Variants in NKAIN1 observed in about 807,000 individuals in gnomAD.
NKAIN1 encodes sodium/potassium transporting ATPase interacting 1.
In NKAIN1, 13 loss-of-function variants were observed where a neutral mutation model predicts 31.6. The observed-to-expected ratio is 0.41, with a 90% CI of 0.27 to 0.65. The LOEUF (loss-of-function observed/expected upper bound fraction) is 0.65, where lower values mean the gene tolerates loss of function less well. Among genes scored for constraint, NKAIN1 ranks in the 30% least tolerant of loss-of-function variants. The pLI is 0.30. For missense variants in NKAIN1, 193 were observed against 262.2 expected (o/e 0.74, Z 1.82); for synonymous variants, 104 against 109.0 (o/e 0.95, Z 0.28).
chr1:31,228,192 T>C (rs1466180595), intron 1 of NKAIN1, among the ~76,000 whole-genome samples: 4 of 152,202 alleles, frequency 2.6e-5, no homozygotes, highest in Non-Finnish European at 4.4e-5. Context: ...GTGCATTTAA[T>C]TGTGTAATTG....
chr1:31,211,505 A>T (rs891234704), intron 1 of NKAIN1, among the ~76,000 whole-genome samples: 4 of 152,204 alleles, frequency 2.6e-5, no homozygotes, highest in Admixed American at 2.6e-4. Flanking sequence ...ATTAAAGAAG[A>T]CCCAAATTTA....
intron 1 of NKAIN1, among the ~76,000 whole-genome samples, chr1:31,220,296 C>T (rs576365169): frequency 4.6e-5 from 7 of 151,352 alleles, no homozygotes; most frequent in East Asian, 2.0e-4. Flanking sequence ...GGATTACAGG[C>T]GTGAGCCACC....
chr1:31,203,250 G>A (rs10914321), intron 1 of NKAIN1, among the ~76,000 whole-genome samples: 6,117 of 150,480 alleles, frequency 0.041, 345 homozygotes, highest in African/African-American at 0.12. Context: ...AGGTGACAGA[G>A]CGAGATTCCA....
Position 31,183,912 on chromosome 1 carries a change from C to A in NKAIN1, c.376G>T (p.Ala126Ser). The A allele has an allele frequency of 6.2e-7, 1 of 1,614,094 alleles. No homozygotes were observed. The highest frequency in any genetic ancestry group is 8.5e-7 in the Non-Finnish European group (1 of 1,180,030). ...GAGATGACATGGTGGTCCTCCAGAGCCAGGCGGGAGTTCAGAACAGGTGTC... is the reference window on the plus strand; with the variant it reads ...GAGATGACATGGTGGTCCTCCAGAGACAGGCGGGAGTTCAGAACAGGTGTC... ...LVTPVLNSRL[A>S]LEDHHVISVT... Residue 126 changes from alanine to serine, a missense_variant, in exon 4 of 7, where the codon GCT becomes TCT. Coordinates refer to ENST00000373736, the MANE Select transcript of NKAIN1 (RefSeq NM_024522.3).
intron 1 of NKAIN1, among the ~76,000 whole-genome samples, chr1:31,218,894 C>G (rs6700796): frequency 5.3e-5 from 8 of 152,140 alleles, no homozygotes; most frequent in Non-Finnish European, 1.2e-4. Flanking sequence ...GACGGCAGTG[C>G]GCTCAGATGA....
chr1:31,197,196 C>T lies in NKAIN1; in HGVS notation c.55-9009G>A, dbSNP rs1248167231. ...GCACAATCTCGGCTCACTGCAAGCTCTGCCTCCCAGGTTCACGCCATTCTC... is the reference window on the plus strand; with the variant it reads ...GCACAATCTCGGCTCACTGCAAGCTTTGCCTCCCAGGTTCACGCCATTCTC... On this transcript the variant is annotated intron_variant, in intron 1 of 6. Transcript: ENST00000373736. 2.8e-4 allele frequency among the ~76,000 whole-genome samples: 42 copies of T among 150,266 alleles called. 1 individual carries two copies. Among genetic ancestry groups the T allele is most frequent in the Admixed American group, 2.7e-3 (41 of 14,974 alleles).
chr1:31,195,878 T>C (rs1357466873), intron 1 of NKAIN1, among the ~76,000 whole-genome samples: 1 of 130,316 alleles, frequency 7.7e-6, no homozygotes. Context: ...TGAGCTGTGA[T>C]AGCCTACCTG....
chr1:31,183,678 C>T (rs1645220565), intron 4 of NKAIN1, 139 bp downstream of exon 4: 6 of 851,210 alleles, frequency 7.0e-6, no homozygotes, highest in Admixed American at 2.3e-5. Context: ...GAACTCCTGA[C>T]CTCAGGTGAT....
At chr1:31,182,944 C>T (rs1273097934) in intron 4 of NKAIN1, among the ~76,000 whole-genome samples, 3 of 152,084 alleles carry the variant, frequency 2.0e-5, no homozygotes, top group Non-Finnish European at 2.9e-5. Context: ...CTACTCCTAT[C>T]TTGGAGTTTC....
At position 31,216,748 on chromosome 1, in the gene NKAIN1, C is replaced by T. The variant is rs117258618; in HGVS notation, c.54+22746G>A. ...TTTATTTATTGAGACAGCTGGAGTCCAGTGGCACCATCTCGGCTCACTGCA... is the reference window on the plus strand; with the variant it reads ...TTTATTTATTGAGACAGCTGGAGTCTAGTGGCACCATCTCGGCTCACTGCA... On this transcript the variant is annotated intron_variant, in intron 1 of 6. Transcript: ENST00000373736. Among the ~76,000 whole-genome samples, 996 of 107,390 alleles carry T rather than the reference C, an allele frequency of 9.3e-3. 62 individuals are homozygous for T. In the East Asian group the frequency reaches 0.2, roughly 22 times the overall value. 70.5% of individuals were successfully genotyped at this position (107,390 alleles called of 152,430 possible).
intron 1 of NKAIN1, among the ~76,000 whole-genome samples, chr1:31,227,646 CCCAA>C (rs71028749): frequency 0.32 from 48,008 of 151,988 alleles, 9,599 homozygotes; most frequent in African/African-American, 0.57. Flanking sequence ...CAAGGACTTG[CCCAA>C]CCAAGGTCAC....
chr1:31,232,416 TATATATATAGAG>T (rs1426904238), intron 1 of NKAIN1, among the ~76,000 whole-genome samples: 11 of 34,256 alleles, frequency 3.2e-4, no homozygotes, highest in Admixed American at 1.5e-3. Context: ...TATATATATA[TATATATATAGAG>T]AGAGAGAGAG....
intron 1 of NKAIN1, among the ~76,000 whole-genome samples, chr1:31,219,086 T>A (rs746522530): frequency 1.1e-4 from 16 of 152,258 alleles, no homozygotes; most frequent in Non-Finnish European, 2.2e-4. Flanking sequence ...ACCCCTCACA[T>A]GCCTAAATAT....
intron 1 of NKAIN1, among the ~76,000 whole-genome samples, chr1:31,213,720 T>C (rs993509661): frequency 2.0e-5 from 3 of 152,098 alleles, no homozygotes; most frequent in African/African-American, 7.2e-5. Context: ...ACAAGTTGGG[T>C]GCAGTGGCTC....
intron 1 of NKAIN1, among the ~76,000 whole-genome samples, chr1:31,196,660 C>T (rs1372356629): frequency 1.3e-5 from 2 of 151,840 alleles, no homozygotes; most frequent in South Asian, 2.1e-4. Flanking sequence ...CACACCACTG[C>T]ACTCCAGCCT....
chr1:31,218,040 C>CTTTCTT (rs1553163616), intron 1 of NKAIN1, among the ~76,000 whole-genome samples: 1 of 89,856 alleles, frequency 1.1e-5, no homozygotes, highest in Non-Finnish European at 2.1e-5. Flanking sequence ...TTCTTTCTTT[C>CTTTCTT]TTTCTTTCTT....
chr1:31,194,672 G>T (rs1645310030), intron 1 of NKAIN1, among the ~76,000 whole-genome samples: 2 of 151,166 alleles, frequency 1.3e-5, no homozygotes, highest in African/African-American at 4.9e-5. Flanking sequence ...CTCCCAAAGT[G>T]CTGGGATTAC....
At chr1:31,194,900 T>C (rs1036987000) in intron 1 of NKAIN1, among the ~76,000 whole-genome samples, 13 of 150,588 alleles carry the variant, frequency 8.6e-5, no homozygotes, top group African/African-American at 2.9e-4. Context: ...GCCTCCTAAG[T>C]AGTTGGGATT....
intron 2 of NKAIN1, among the ~76,000 whole-genome samples, 154 bp downstream of exon 2, chr1:31,187,896 G>T (rs77189560): frequency 0.041 from 6,274 of 152,054 alleles, 241 homozygotes; most frequent in East Asian, 0.12. Flanking sequence ...AAAGAAGCAT[G>T]GGGCTGTGCA....
Sources: allele counts gnomAD v4.1 joint callset (sites outside exome capture counted in the v4.1 genomes callset), GRCh38; gene constraint gnomAD v4.1.1; transcripts MANE v1.5; gene names NCBI Gene and HGNC (gene_info 2026-07-23, HGNC 2026-07-21).